Variants in KREMEN1 observed in about 807,000 individuals in gnomAD.
KREMEN1 encodes the protein kringle containing transmembrane protein 1, also known as kremen protein 1.
Under a neutral mutation model 46.5 loss-of-function variants are expected in KREMEN1, and 30 were observed. The observed-to-expected ratio is 0.65, with a 90% CI of 0.48 to 0.88. The LOEUF is 0.88. Among genes scored for constraint, KREMEN1 ranks in the 40% least tolerant of loss-of-function variants. The pLI, the probability that KREMEN1 is intolerant of heterozygous loss-of-function variation, is 0.00. For missense variants in KREMEN1, 533 were observed against 596.9 expected (o/e 0.89, Z 1.11); for synonymous variants, 214 against 230.6 (o/e 0.93, Z 0.65).
At chr22:29,095,766 A>G (rs912734823) in intron 2 of KREMEN1, among the ~76,000 whole-genome samples, 10 of 151,660 alleles carry the variant, frequency 6.6e-5, no homozygotes, top group Non-Finnish European at 1.3e-4. Flanking sequence ...CCTTTAGTCT[A>G]TGTTTTCTTT....
chr22:29,128,095 G>A (rs1477856816), intron 5 of KREMEN1, among the ~76,000 whole-genome samples: 1 of 152,176 alleles, frequency 6.6e-6, no homozygotes, highest in African/African-American at 2.4e-5. Context: ...GAAGAATATG[G>A]AGTGACTGCT....
intron 5 of KREMEN1, among the ~76,000 whole-genome samples, chr22:29,128,887 A>G (rs186631642): frequency 9.8e-5 from 15 of 152,368 alleles, no homozygotes; most frequent in Non-Finnish European, 2.1e-4. Flanking sequence ...TTTTATTAAC[A>G]ATAGTAAAAA....
At chr22:29,076,475 T>G (rs2037572488) in intron 1 of KREMEN1, among the ~76,000 whole-genome samples, 2 of 152,240 alleles carry the variant, frequency 1.3e-5, no homozygotes, top group African/African-American at 2.4e-5. Flanking sequence ...ACTCTGAGTA[T>G]TTTAAGAAAC....
chr22:29,164,552 C>A (rs1305574939), intron 9 of KREMEN1, among the ~76,000 whole-genome samples: 3 of 152,052 alleles, frequency 2.0e-5, no homozygotes, highest in Non-Finnish European at 2.9e-5. Context: ...TCGAGACCAG[C>A]CTGGCCAACA....
chr22:29,099,028 A>G, intron 3 of KREMEN1, 75 bp downstream of exon 3: 1 of 1,100,114 alleles, frequency 9.1e-7, no homozygotes, highest in Non-Finnish European at 1.4e-6. Flanking sequence ...GGCCCCTGCC[A>G]GAGGTCAGGT....
At chr22:29,092,574 C>T (rs1431202780) in intron 1 of KREMEN1, among the ~76,000 whole-genome samples, 2 of 152,194 alleles carry the variant, frequency 1.3e-5, no homozygotes, top group African/African-American at 2.4e-5. Context: ...TCAATTTATG[C>T]CTCCTTTGAA....
intron 9 of KREMEN1, among the ~76,000 whole-genome samples, chr22:29,152,867 G>A (rs1233883355): frequency 6.6e-6 from 1 of 152,226 alleles, no homozygotes; most frequent in Admixed American, 6.5e-5. Flanking sequence ...TGACAGTAAA[G>A]TGAAAGCAAG....
chr22:29,118,875 G>A (rs2038286338), intron 3 of KREMEN1, among the ~76,000 whole-genome samples: 1 of 152,136 alleles, frequency 6.6e-6, no homozygotes, highest in Non-Finnish European at 1.5e-5. Context: ...CTACAATTAA[G>A]TTATGGCACT....
chr22:29,137,461 G>A lies in KREMEN1; in HGVS notation c.751G>A (p.Ala251Thr). Reference sequence around the variant, plus strand: ...CTACTGGACCATCCGGGTTCCGGGGGCCTCCCACATCCACTTCAGCTTCCC... The same window carrying A: ...CTACTGGACCATCCGGGTTCCGGGGACCTCCCACATCCACTTCAGCTTCCC... ...VCYWTIRVPG[A>T]SHIHFSFPLF... The change falls in exon 6 of 9, where the codon GCC becomes ACC. Residue 251 changes from alanine to threonine, a missense_variant. Transcript: ENST00000400335. The A allele has an allele frequency of 6.2e-7, 1 of 1,605,540 alleles. No individual in the cohort carries two copies. Among genetic ancestry groups the A allele is most frequent in the East Asian group, 2.2e-5 (1 of 44,578 alleles).
At chr22:29,101,846 T>C (rs1182836785) in intron 3 of KREMEN1, among the ~76,000 whole-genome samples, 1 of 152,190 alleles carries the variant, frequency 6.6e-6, no homozygotes, top group East Asian at 1.9e-4. Flanking sequence ...CAAAATTATA[T>C]GACAATGCAG....
chr22:29,120,195 AGG>A (rs2038317238), intron 3 of KREMEN1, among the ~76,000 whole-genome samples: 1 of 117,294 alleles, frequency 8.5e-6, no homozygotes. Flanking sequence ...TGAAGGAAAC[AGG>A]GAGGAGGGAG....
At chr22:29,100,322 C>T (rs147507066) in intron 3 of KREMEN1, among the ~76,000 whole-genome samples, 1,528 of 152,220 alleles carry the variant, frequency 0.01, 32 homozygotes, top group African/African-American at 0.036. Context: ...TCCATGTGGT[C>T]AGGCTGGTCT....
chr22:29,138,887 A>G, intron 7 of KREMEN1, 105 bp downstream of exon 7: 1 of 1,540,308 alleles, frequency 6.5e-7, no homozygotes, highest in Non-Finnish European at 9.0e-7. Context: ...TCTTATTCAG[A>G]GGCAGGTTGG....
rs535564901 is a variant in KREMEN1, at chr22:29,164,629, C to G, written c.1417-2415C>G. ...GGTGTGGTGGCGGGTGCCTGTAATC[C>G]CAGCTACTTCGGAGGCTGAGGCAGG... is the stretch of plus-strand genomic sequence containing the variant. On this transcript the variant is annotated intron_variant, in intron 9 of 9. Coordinates refer to the KREMEN1 transcript ENST00000327813. 1.8e-3 allele frequency among the ~76,000 whole-genome samples: 276 copies of G among 151,466 alleles called. 1 individual carries two copies. Among genetic ancestry groups the G allele is most frequent in the African/African-American group, 6.3e-3 (260 of 41,274 alleles).
downstream of KREMEN1, among the ~76,000 whole-genome samples, chr22:29,151,036 C>T (rs1048621862): frequency 3.9e-5 from 6 of 152,094 alleles, no homozygotes; most frequent in Admixed American, 3.3e-4. Flanking sequence ...ATATGGCCTC[C>T]GGAAAGCCCA....
Position 29,145,014 on chromosome 22 carries a change from TACGGGCAGGA to T in KREMEN1, c.*2903_*2912del. On this transcript the variant is annotated 3_prime_UTR_variant, in exon 9 of 9. Transcript: ENST00000400335. ...AACCCAAATCTGGCTCAGGACAGCG[TACGGGCAGGA>T]GGGCTGTAAATCATCCCAGGCTAAG... 3.0e-6 allele frequency: 3 copies of T among 985,520 alleles called. No homozygotes were observed. The highest frequency in any genetic ancestry group is 3.6e-6 in the Non-Finnish European group (3 of 830,024). The allele number at this position is 985,520 out of a possible 1,614,324, so 61.0% of individuals were successfully genotyped here.
chr22:29,089,065 C>T (rs1478511160), intron 1 of KREMEN1, among the ~76,000 whole-genome samples: 2 of 152,184 alleles, frequency 1.3e-5, no homozygotes, highest in Non-Finnish European at 2.9e-5. Context: ...CAGGGCTCAG[C>T]CCCAGATGTT....
At chr22:29,078,494 A>AAAAGAAG in intron 1 of KREMEN1, among the ~76,000 whole-genome samples, 1 of 147,608 alleles carries the variant, frequency 6.8e-6, no homozygotes, top group African/African-American at 2.5e-5. Context: ...AAAAAAAAAA[A>AAAAGAAG]AAGAAGAAGA....
chr22:29,127,549 G>A (rs2145825385), intron 5 of KREMEN1, among the ~76,000 whole-genome samples: 1 of 152,120 alleles, frequency 6.6e-6, no homozygotes, highest in East Asian at 1.9e-4. Context: ...TGTAATCCCA[G>A]CTACTCGGGA....
Sources: allele counts gnomAD v4.1 joint callset (sites outside exome capture counted in the v4.1 genomes callset), GRCh38; gene constraint gnomAD v4.1.1; transcripts MANE v1.5; gene names NCBI Gene and HGNC (gene_info 2026-07-23, HGNC 2026-07-21).